Variants in RAPGEF1 observed in about 807,000 individuals in gnomAD.
RAPGEF1 encodes the protein Rap guanine nucleotide exchange factor 1, also known as CRK SH3-binding GNRP.
RAPGEF1 carries 33 observed loss-of-function variants against 143.3 expected under a neutral mutation model. That is an observed-to-expected ratio of 0.23 (90% CI 0.17 to 0.31). The LOEUF is 0.31. Ranked by LOEUF, RAPGEF1 falls within the 10% of genes least tolerant of loss-of-function variation. The pLI is 1.00. For missense variants in RAPGEF1, 1,199 were observed against 1,645.4 expected (o/e 0.73, Z 4.69); for synonymous variants, 629 against 676.5 (o/e 0.93, Z 1.09).
At chr9:131,709,941 C>T (rs1030153910) in intron 1 of RAPGEF1, 1 of 985,298 alleles carries the variant, frequency 1.0e-6, no homozygotes, top group African/African-American at 1.7e-5. Context: ...GCCTCTCAGG[C>T]ATGGTCTATA....
At chr9:131,714,975 T>G (rs751316919) in intron 1 of RAPGEF1, among the ~76,000 whole-genome samples, 6 of 151,922 alleles carry the variant, frequency 3.9e-5, no homozygotes, top group Non-Finnish European at 7.4e-5. Flanking sequence ...CCTCCCAAAG[T>G]GCTGGAATTA....
At chr9:131,632,921 A>C (rs966847501) in intron 5 of RAPGEF1, among the ~76,000 whole-genome samples, 1 of 152,160 alleles carries the variant, frequency 6.6e-6, no homozygotes, top group Non-Finnish European at 1.5e-5. Flanking sequence ...AATTAAATGC[A>C]TATATCAAAC....
At chr9:131,632,210 G>A (rs1007522165) in intron 5 of RAPGEF1, among the ~76,000 whole-genome samples, 19 of 151,754 alleles carry the variant, frequency 1.3e-4, no homozygotes, top group African/African-American at 4.4e-4. Context: ...CTCACTGCAA[G>A]CTCCGCCTCC....
At position 131,589,875 on chromosome 9, in the gene RAPGEF1, G is replaced by A. The variant is rs1474092608; in HGVS notation, c.2867+11C>T. On this transcript the variant is annotated intron_variant, in intron 19 of 26. Coordinates refer to ENST00000683357, the MANE Select transcript of RAPGEF1 (RefSeq NM_001377935.1). ...CACTGGCCCCCAGGACCCCAAGGGT[G>A]AAGCACTCACCAGAGCTCATCCACC... 1 of 1,612,148 alleles carries A rather than the reference G, an allele frequency of 6.2e-7. No homozygotes were observed. The highest frequency in any genetic ancestry group is 2.2e-5 in the East Asian group (1 of 44,870).
chr9:131,677,183 T>C (rs1832477464), intron 1 of RAPGEF1, among the ~76,000 whole-genome samples: 1 of 152,246 alleles, frequency 6.6e-6, no homozygotes, highest in Non-Finnish European at 1.5e-5. Flanking sequence ...CTCATCACAA[T>C]AAACGTGCAC....
chr9:131,709,367 C>T (rs1835342699), intron 1 of RAPGEF1, among the ~76,000 whole-genome samples: 1 of 152,128 alleles, frequency 6.6e-6, no homozygotes, highest in African/African-American at 2.4e-5. Context: ...AAATTTTCAA[C>T]AGACACATAC....
In RAPGEF1 at chr9:131,641,494, TG is replaced by T. The variant is rs1351835847; in HGVS notation, c.494+1744del. ...TTCATCAGATCAACTCCAACACCCC[TG>T]TAACTCTCCCTTCTTCAAACTCCAA... On this transcript the variant is annotated intron_variant, in intron 4 of 26. Transcript: ENST00000683357. The surrounding 1 kb of genome is among the most constrained non-coding windows in gnomAD (Gnocchi z 4.6). 6.6e-6 allele frequency among the ~76,000 whole-genome samples: 1 copy of T among 152,138 alleles called. No individual in the cohort carries two copies. The highest frequency in any genetic ancestry group is 6.5e-5 in the Admixed American group (1 of 15,280).
At chr9:131,611,486 G>GA (rs1254160619) in intron 12 of RAPGEF1, among the ~76,000 whole-genome samples, 2 of 152,156 alleles carry the variant, frequency 1.3e-5, no homozygotes, top group African/African-American at 4.8e-5. Flanking sequence ...TATCTCCACT[G>GA]AAAATACTAC....
chr9:131,718,288 G>A (rs1836002855), intron 1 of RAPGEF1, among the ~76,000 whole-genome samples: 4 of 152,342 alleles, frequency 2.6e-5, no homozygotes, highest in Admixed American at 1.3e-4. Flanking sequence ...CAGGGAGTGA[G>A]TTAAGGGCCA....
intron 15 of RAPGEF1, among the ~76,000 whole-genome samples, chr9:131,598,814 A>G (rs1257830955): frequency 2.9e-5 from 4 of 139,930 alleles, no homozygotes; most frequent in African/African-American, 5.4e-5. Context: ...AGGAGACAGA[A>G]TTTATTTATT....
chr9:131,632,817 C>A (rs1056537103), intron 5 of RAPGEF1, among the ~76,000 whole-genome samples: 2 of 152,168 alleles, frequency 1.3e-5, no homozygotes, highest in Non-Finnish European at 2.9e-5. Context: ...ATGAAACACC[C>A]TTTTATCTTG....
chr9:131,681,359 G>A (rs557191246), intron 1 of RAPGEF1, among the ~76,000 whole-genome samples: 4 of 152,282 alleles, frequency 2.6e-5, no homozygotes, highest in African/African-American at 9.6e-5. Context: ...CTAGACGAGG[G>A]AGTGATTTAG....
In RAPGEF1 at chr9:131,621,991, G is replaced by C. The variant is rs749625917; in HGVS notation, c.1710C>G (p.Ala570=). The C allele has an allele frequency of 1.2e-6, 2 of 1,612,634 alleles. No individual in the cohort carries two copies. Among genetic ancestry groups the C allele is most frequent in the South Asian group, 1.1e-5 (1 of 90,754 alleles). Residue 570 remains alanine (A), a synonymous_variant, in exon 11 of 27, where the codon GCC becomes GCG. Transcript: ENST00000683357. This position sits in a 1 kb window ranked among gnomAD's most constrained non-coding sequence, Gnocchi z 4.5. Reference sequence around the variant, plus strand: ...AGTAGTCCTCCAGCAACTGCATGTAGGCCAGCACTGTGAAACAAGGGAGAA... The same window carrying C: ...AGTAGTCCTCCAGCAACTGCATGTACGCCAGCACTGTGAAACAAGGGAGAA... ...LPEKKNKHML[A]YMQLLEDYSE... is the part of the protein sequence containing the mutation.
chr9:131,601,647 T>C (rs1424222466), intron 15 of RAPGEF1, among the ~76,000 whole-genome samples: 1 of 152,204 alleles, frequency 6.6e-6, no homozygotes, highest in Non-Finnish European at 1.5e-5. Flanking sequence ...GGCTCATGCC[T>C]GTAAGCCCAG....
intron 1 of RAPGEF1, among the ~76,000 whole-genome samples, chr9:131,654,295 A>C (rs565457130): frequency 6.6e-6 from 1 of 152,368 alleles, no homozygotes; most frequent in Non-Finnish European, 1.5e-5. Context: ...ATTATATATC[A>C]ATAAAGCTAT....
chr9:131,734,038 A>G (rs1461043465), intron 1 of RAPGEF1, among the ~76,000 whole-genome samples: 2 of 152,230 alleles, frequency 1.3e-5, no homozygotes, highest in African/African-American at 4.8e-5. Context: ...TAATGTGACT[A>G]GTATTACGAG....
Position 131,621,728 on chromosome 9 carries a change from G to A in RAPGEF1, c.1905+68C>T. 1 of 1,472,218 alleles carries A rather than the reference G, an allele frequency of 6.8e-7. No individual in the cohort carries two copies. The highest frequency in any genetic ancestry group is 1.4e-5 in the African/African-American group (1 of 71,776). The allele number at this position is 1,472,218 out of a possible 1,614,324, so 91.2% of individuals were successfully genotyped here. On this transcript the variant is annotated intron_variant, in intron 11 of 26. Coordinates refer to ENST00000683357, the MANE Select transcript of RAPGEF1 (RefSeq NM_001377935.1). The surrounding 1 kb of genome is among the most constrained non-coding windows in gnomAD (Gnocchi z 4.5). ...GGAGGGTTAACCCTGCCCCCAAGGA[G>A]GGTCATTCTGGTTCCTAGAGACCTG... is the stretch of plus-strand genomic sequence containing the variant.
chr9:131,719,263 G>C (rs1564200041), intron 1 of RAPGEF1, among the ~76,000 whole-genome samples: 3 of 152,174 alleles, frequency 2.0e-5, no homozygotes, highest in African/African-American at 7.2e-5. Context: ...TCACCAAAGA[G>C]TTTTCTTCCC....
rs1836870180 is a variant in RAPGEF1 at position 131,729,319 on chromosome 9, G to C, written c.61+10451C>G. The stretch of plus-strand genomic sequence containing the variant: ...GTACCCTCTCCTCCCCTGGCAGGCT[G>C]CTTGACACTCAGTGACAGCCAGTGT... On this transcript the variant is annotated intron_variant, in intron 1 of 26. Coordinates refer to ENST00000683357, the MANE Select transcript of RAPGEF1 (RefSeq NM_001377935.1). Among the ~76,000 whole-genome samples, 4 of 113,604 alleles carry C rather than the reference G, an allele frequency of 3.5e-5. No homozygotes were observed. The Admixed American group carries it at 5.4e-4, about 15-fold the overall frequency. 74.5% of individuals were successfully genotyped at this position (113,604 alleles called of 152,430 possible). A position where few individuals can be genotyped will look rare whatever the true frequency, so the allele number is the denominator to read the frequency against.
Sources: allele counts gnomAD v4.1 joint callset (sites outside exome capture counted in the v4.1 genomes callset), GRCh38; gene constraint gnomAD v4.1.1; non-coding constraint Gnocchi (gnomAD v3.1); transcripts MANE v1.5; gene names NCBI Gene and HGNC (gene_info 2026-07-23, HGNC 2026-07-21).